ANO2: variants seen among roughly 807,000 people sequenced by gnomAD.
ANO2 encodes anoctamin-2.
Under a neutral mutation model 124.2 loss-of-function variants are expected in ANO2, and 101 were observed. The observed-to-expected ratio is 0.81, with a 90% CI of 0.69 to 0.96. ANO2 has a LOEUF of 0.96. Ranked by LOEUF, ANO2 falls within the 40% of genes least tolerant of loss-of-function variation. The probability of loss-of-function intolerance (pLI) is 0.00; values close to 1 mark genes in which losing one functional copy is unlikely to be tolerated. For missense variants in ANO2, 1,293 were observed against 1,274.5 expected (o/e 1.01, Z -0.22); for synonymous variants, 486 against 482.5 (o/e 1.01, Z -0.09).
chr12:5,677,130 G>C lies in ANO2; in HGVS notation c.1546-29329C>G, dbSNP rs182759652. ...GAAGAGACGGGGGTCTCAGGATTGG[G>C]GGGGAGAATGATGCAGAAAAAGGAA... is the stretch of plus-strand genomic sequence containing the variant. On this transcript the variant is annotated intron_variant, in intron 14 of 24. Transcript: ENST00000682330. Among the ~76,000 whole-genome samples, 35 of 151,758 alleles carry C rather than the reference G, an allele frequency of 2.3e-4. 1 individual carries two copies. In the East Asian group the frequency reaches 6.2e-3, roughly 27 times the overall value.
chr12:5,618,477 G>C (rs1218313951), intron 16 of ANO2, among the ~76,000 whole-genome samples: 1 of 152,162 alleles, frequency 6.6e-6, no homozygotes, highest in Non-Finnish European at 1.5e-5. Context: ...TTTCACTTCT[G>C]TGGATGAAGG....
At chr12:5,744,470 T>C (rs897486374) in intron 11 of ANO2, among the ~76,000 whole-genome samples, 153 bp from the exon 12 acceptor site, 3 of 152,218 alleles carry the variant, frequency 2.0e-5, no homozygotes, top group Non-Finnish European at 4.4e-5. Flanking sequence ...CATTGTATTC[T>C]TCACCTGGAG....
intron 14 of ANO2, among the ~76,000 whole-genome samples, chr12:5,686,239 C>A (rs1034010170): frequency 6.6e-6 from 1 of 152,168 alleles, no homozygotes; most frequent in Non-Finnish European, 1.5e-5. Flanking sequence ...TCAGCCAAAC[C>A]TGTCAACCCT....
chr12:5,657,202 T>TG lies in ANO2; in HGVS notation c.1546-9402dup, dbSNP rs1162515037. Among the ~76,000 whole-genome samples the TG allele has an allele frequency of 4.6e-5, 7 of 152,238 alleles. No homozygotes were observed. In the East Asian group the frequency reaches 1.2e-3, roughly 25 times the overall value. Reference sequence around the variant, plus strand: ...GAGTGGGATTTAGAGATTGACTTGATGGGGGGTGGAGGTGGCAGTGGAAGG... The same window carrying TG: ...GAGTGGGATTTAGAGATTGACTTGATGGGGGGGTGGAGGTGGCAGTGGAAGG... On this transcript the variant is annotated intron_variant, in intron 14 of 24. Coordinates refer to ENST00000682330, the MANE Select transcript of ANO2 (RefSeq NM_001364791.2).
At chr12:5,706,977 T>G (rs7297368) in intron 14 of ANO2, among the ~76,000 whole-genome samples, 11,533 of 152,288 alleles carry the variant, frequency 0.076, 526 homozygotes, top group African/African-American at 0.1. Context: ...CAGGTGACCT[T>G]GGGACAATGA....
chr12:5,939,314 G>A (rs1942800845), intron 1 of ANO2, among the ~76,000 whole-genome samples: 1 of 151,162 alleles, frequency 6.6e-6, no homozygotes, highest in Non-Finnish European at 1.5e-5. Flanking sequence ...CAGAAGAGAT[G>A]ACTTTGCCTA....
chr12:5,654,145 AGGGG>A lies in ANO2; in HGVS notation c.1546-6348_1546-6345del, dbSNP rs1947050507. Among the ~76,000 whole-genome samples, 5 of 152,338 alleles carry A rather than the reference AGGGG, an allele frequency of 3.3e-5. No homozygotes were observed. The South Asian group carries it at 1.0e-3, about 32-fold the overall frequency. ...GCAAGTCATCTGATAGTAGGCTGGC[AGGGG>A]TCATAGAGGACAAATAATCCAGTCC... On this transcript the variant is annotated intron_variant, in intron 14 of 24. Transcript: ENST00000682330.
At chr12:5,601,914 C>T (rs987756373) in intron 19 of ANO2, among the ~76,000 whole-genome samples, 2 of 152,158 alleles carry the variant, frequency 1.3e-5, no homozygotes, top group Non-Finnish European at 2.9e-5. Flanking sequence ...TAGAGAGAAA[C>T]AAGCCAACTC....
intron 14 of ANO2, among the ~76,000 whole-genome samples, chr12:5,691,811 G>A (rs1338739272): frequency 3.3e-5 from 5 of 152,094 alleles, no homozygotes; most frequent in Non-Finnish European, 4.4e-5. Flanking sequence ...GCTGAGGCAG[G>A]AGAATCCCTT....
chr12:5,832,531 G>A lies in ANO2; in HGVS notation c.706C>T (p.Leu236=). The A allele has an allele frequency of 1.2e-6, 2 of 1,614,002 alleles. No individual in the cohort carries two copies. ...SAALQKLSSH[L]QPRVPEHSNN... ...CTGTGTTCTGGAACTCGGGGCTGCA[G>A]GTGCGAGCTCAGCTTCTGCAGAGCC... The change falls in exon 5 of 25, where the codon CTG becomes TTG. Residue 236 remains leucine, a synonymous_variant. Coordinates refer to ENST00000682330, the MANE Select transcript of ANO2 (RefSeq NM_001364791.2).
At chr12:5,934,545 T>C (rs1353834210) in intron 1 of ANO2, among the ~76,000 whole-genome samples, 2 of 152,232 alleles carry the variant, frequency 1.3e-5, no homozygotes, top group East Asian at 1.9e-4. Context: ...GGGACTTGGA[T>C]GAGTTGCCTA....
At chr12:5,564,073 G>C (rs977314502) in intron 24 of ANO2, among the ~76,000 whole-genome samples, 2 of 152,174 alleles carry the variant, frequency 1.3e-5, no homozygotes, top group African/African-American at 4.8e-5. Context: ...CTCTACACTA[G>C]AGACGGACTT....
intron 7 of ANO2, among the ~76,000 whole-genome samples, chr12:5,811,882 G>A (rs1953399762): frequency 6.6e-6 from 1 of 152,178 alleles, no homozygotes; most frequent in South Asian, 2.1e-4. Context: ...GGGTAAATAA[G>A]AGAGAAAATA....
intron 14 of ANO2, among the ~76,000 whole-genome samples, chr12:5,718,374 C>T (rs543093336): frequency 3.9e-5 from 6 of 152,282 alleles, no homozygotes; most frequent in African/African-American, 1.4e-4. Context: ...CAGGAACAGC[C>T]CCTGGGATAC....
At chr12:5,715,181 TC>T (rs1204814280) in intron 14 of ANO2, among the ~76,000 whole-genome samples, 1 of 152,124 alleles carries the variant, frequency 6.6e-6, no homozygotes, top group African/African-American at 2.4e-5. Flanking sequence ...ACCCTACTTG[TC>T]CTCTAAATTG....
intron 15 of ANO2, among the ~76,000 whole-genome samples, chr12:5,640,558 T>C (rs868056378): frequency 2.0e-5 from 3 of 151,890 alleles, no homozygotes; most frequent in Non-Finnish European, 4.4e-5. Context: ...TCAAAAAGGG[T>C]GCAAAGGATA....
intron 3 of ANO2, 123 bp from the exon 4 acceptor site, chr12:5,854,264 T>C (rs766386514): frequency 7.3e-6 from 6 of 819,198 alleles, no homozygotes; most frequent in Non-Finnish European, 1.2e-5. Flanking sequence ...GTTTTCGTTC[T>C]CTTTAAAATT....
chr12:5,663,451 G>T (rs1188274198), intron 14 of ANO2, among the ~76,000 whole-genome samples: 1 of 152,172 alleles, frequency 6.6e-6, no homozygotes, highest in Non-Finnish European at 1.5e-5. Flanking sequence ...GTGTGCAGGG[G>T]ACTGCTGAAT....
intron 20 of ANO2, among the ~76,000 whole-genome samples, chr12:5,581,077 C>A (rs149052533): frequency 6.6e-6 from 1 of 152,200 alleles, no homozygotes; most frequent in East Asian, 1.9e-4. Flanking sequence ...ACTTTGGAGT[C>A]AGGAATGGGG....
Sources: allele counts gnomAD v4.1 joint callset (sites outside exome capture counted in the v4.1 genomes callset), GRCh38; gene constraint gnomAD v4.1.1; transcripts MANE v1.5; gene names NCBI Gene and HGNC (gene_info 2026-07-23, HGNC 2026-07-21).